The following DOCK1 variants were observed in gnomAD, a reference collection of about 807,000 sequenced individuals.
DOCK1 encodes the protein dedicator of cytokinesis protein 1.
DOCK1 carries 138 observed loss-of-function variants against 262.7 expected under a neutral mutation model. The observed-to-expected ratio is 0.53, with a 90% CI of 0.46 to 0.61. The LOEUF (loss-of-function observed/expected upper bound fraction) is 0.61. Among genes scored for constraint, DOCK1 ranks in the 20% least tolerant of loss-of-function variants. The pLI, the probability that DOCK1 is intolerant of heterozygous loss-of-function variation, is 0.00. For synonymous variants in DOCK1, 866 were observed against 867.4 expected, an observed-to-expected ratio of 1.00 and a Z score of 0.03; for missense variants, 1,908 against 2,370.7, an observed-to-expected ratio of 0.80 and a Z score of 4.05.
intron 29 of DOCK1, among the ~76,000 whole-genome samples, chr10:127,336,892 T>G (rs1480415356): frequency 6.6e-6 from 1 of 152,210 alleles, no homozygotes; most frequent in Non-Finnish European, 1.5e-5. Flanking sequence ...TAGCTGCAGT[T>G]GTCCCAGAGC....
In DOCK1 at chr10:127,426,004, G is replaced by C; in HGVS notation, c.4907G>C (p.Arg1636Pro). The stretch of plus-strand genomic sequence containing the variant: ...AAGGTGGAGAAAGAGTACGGCGTCC[G>C]AATCATGGTAAGAGGGTAGTATGCG... ...KEKVEKEYGV[R>P]IMPSSLDDRR... Residue 1636 changes from arginine (R) to proline (P), a missense_variant, in exon 47 of 52, where the codon CGA becomes CCA. Arg to Pro is a moderately radical substitution (Grantham distance 103). This residue lies in a region of DOCK1 where 383 missense variants were observed against 420.1 expected (regional missense o/e 0.91). Coordinates refer to ENST00000623213, the MANE Select transcript of DOCK1 (RefSeq NM_001290223.2). The C allele has an allele frequency of 1.2e-6, 2 of 1,613,870 alleles. No individual in the cohort carries two copies. Among genetic ancestry groups the C allele is most frequent in the East Asian group, 4.5e-5 (2 of 44,860 alleles).
rs1388597929 is a variant in DOCK1 at position 127,257,442 on chromosome 10, A to G, written c.3044+13A>G. The G allele has an allele frequency of 4.4e-6, 7 of 1,587,098 alleles. No homozygotes were observed. Among genetic ancestry groups the G allele is most frequent in the Middle Eastern group, 3.3e-4 (2 of 6,024 alleles). On this transcript the variant is annotated intron_variant, in intron 29 of 51. Transcript: ENST00000623213. ...TGGTGCAAAATAAGTAAGTGTGGGG[A>G]AAACGGCTCTCACCTTTTCTATGGC...
intron 29 of DOCK1, among the ~76,000 whole-genome samples, chr10:127,310,800 A>G (rs928369141): frequency 2.6e-5 from 4 of 152,198 alleles, no homozygotes; most frequent in African/African-American, 9.7e-5. Context: ...ACACATTACT[A>G]CAATCTCTTA....
chr10:127,179,355 A>G (rs1208364442), intron 27 of DOCK1, among the ~76,000 whole-genome samples: 1 of 152,232 alleles, frequency 6.6e-6, no homozygotes, highest in African/African-American at 2.4e-5. Flanking sequence ...GTACATAAAA[A>G]TCATTTCGTT....
chr10:127,015,290 C>G (rs983107872), intron 12 of DOCK1: 1 of 152,476 alleles, frequency 6.6e-6, no homozygotes, highest in African/African-American at 2.4e-5. Flanking sequence ...CTCTGGTCTT[C>G]GTCTCCCATT....
intron 27 of DOCK1, among the ~76,000 whole-genome samples, chr10:127,145,739 C>T (rs1057097907): frequency 8.5e-5 from 13 of 152,170 alleles, no homozygotes; most frequent in Non-Finnish European, 1.6e-4. Context: ...GCCACCAGCC[C>T]GGAACCCTGG....
chr10:127,356,459 AG>A (rs1338772308), intron 32 of DOCK1, among the ~76,000 whole-genome samples: 5 of 152,214 alleles, frequency 3.3e-5, no homozygotes, highest in African/African-American at 1.2e-4. Flanking sequence ...TAAGGCTTTT[AG>A]AACAGGGAGG....
chr10:127,037,904 G>A (rs1369023117), intron 19 of DOCK1, 88 bp downstream of exon 19: 2 of 1,072,214 alleles, frequency 1.9e-6, no homozygotes, highest in Admixed American at 2.9e-5. Flanking sequence ...GACTTCAAAG[G>A]TAGTATAGGA....
rs1032829168 is a variant in DOCK1, at chr10:127,162,549, T to C, written c.2847+34785T>C. ...TTCTCTTTACCTTACTTTTTTTCCA[T>C]GGTAGGGCAAAGTTCTCAGAATCAC... On this transcript the variant is annotated intron_variant, in intron 27 of 51. Coordinates refer to ENST00000623213, the MANE Select transcript of DOCK1 (RefSeq NM_001290223.2). Among the ~76,000 whole-genome samples, 13 of 152,304 alleles carry C rather than the reference T, an allele frequency of 8.5e-5. No homozygotes were observed. The East Asian group carries it at 1.4e-3, about 16-fold the overall frequency.
chr10:127,420,549 G>A (rs1443670691), intron 46 of DOCK1, among the ~76,000 whole-genome samples: 3 of 152,130 alleles, frequency 2.0e-5, no homozygotes, highest in Non-Finnish European at 4.4e-5. Context: ...GAGGGAGGTG[G>A]GGGCAAAGGC....
In DOCK1 at chr10:127,075,169, C is replaced by CAAAAAAAAAAA. The variant is rs71032536; in HGVS notation, c.2445+13413_2445+13423dup. Reference sequence around the variant, plus strand: ...GGGCAACAAGAGCGAAACTCTGTCTCAAAAAAAAAAAAAAAAAAAAAAAAA... The same window carrying CAAAAAAAAAAA: ...GGGCAACAAGAGCGAAACTCTGTCTCAAAAAAAAAAAAAAAAAAAAAAAAAAAAAAAAAAAA... On this transcript the variant is annotated intron_variant, in intron 23 of 51. Coordinates refer to ENST00000623213, the MANE Select transcript of DOCK1 (RefSeq NM_001290223.2). Among the ~76,000 whole-genome samples, 7 of 64,322 alleles carry CAAAAAAAAAAA rather than the reference C, an allele frequency of 1.1e-4. 1 individual carries two copies. The highest frequency in any genetic ancestry group is 4.9e-4 in the African/African-American group (7 of 14,218). 42.2% of individuals were successfully genotyped at this position (64,322 alleles called of 152,430 possible). A position where few individuals can be genotyped will look rare whatever the true frequency, so the allele number is the denominator to read the frequency against.
intron 38 of DOCK1, among the ~76,000 whole-genome samples, chr10:127,395,850 C>A (rs964114972): frequency 6.6e-6 from 1 of 152,206 alleles, no homozygotes; most frequent in Non-Finnish European, 1.5e-5. Context: ...GTGGCTGGGG[C>A]ACCCACTGGC....
chr10:126,993,215 G>T (rs182370812), intron 6 of DOCK1, among the ~76,000 whole-genome samples: 1 of 152,254 alleles, frequency 6.6e-6, no homozygotes, highest in Admixed American at 6.5e-5. Flanking sequence ...CCGTCCTCTC[G>T]TGTGTTCCCT....
chr10:127,060,360 C>T (rs759949397), intron 22 of DOCK1, among the ~76,000 whole-genome samples: 3 of 152,040 alleles, frequency 2.0e-5, no homozygotes, highest in Non-Finnish European at 2.9e-5. Context: ...TAAGCAAACC[C>T]CATTTGAAAA....
Position 127,381,958 on chromosome 10 carries a change from T to TATGGATGG in DOCK1, c.3807+624_3807+631dup, listed in dbSNP as rs10541699. ...TTGACTTTCTTTGTTTACAGTGACG[T>TATGGATGG]ATGGATGGATGGATGGATGGATGGA... On this transcript the variant is annotated intron_variant, in intron 37 of 51. Coordinates refer to ENST00000623213, the MANE Select transcript of DOCK1 (RefSeq NM_001290223.2). Among the ~76,000 whole-genome samples, 631 of 150,024 alleles carry TATGGATGG rather than the reference T, an allele frequency of 4.2e-3. 8 individuals are homozygous for TATGGATGG. The highest frequency in any genetic ancestry group is 0.014 in the African/African-American group (588 of 40,764).
chr10:127,369,258 T>C (rs1026296419), intron 33 of DOCK1, among the ~76,000 whole-genome samples: 1 of 152,228 alleles, frequency 6.6e-6, no homozygotes, highest in African/African-American at 2.4e-5. Context: ...ATCTTGTGTA[T>C]TCTTTAATTC....
chr10:127,223,020 TGC>T lies in DOCK1; in HGVS notation c.2848-24987_2848-24986del, dbSNP rs2058500489. On this transcript the variant is annotated intron_variant, in intron 27 of 51. Transcript: ENST00000623213. ...AAAGATTGACTTTATAGTTTGGATC[TGC>T]AAATAAGTTTTAAAAAATTGTAGAA... Among the ~76,000 whole-genome samples, 17 of 152,320 alleles carry T rather than the reference TGC, an allele frequency of 1.1e-4. 2 individuals are homozygous for T. The highest frequency in any genetic ancestry group is 1.1e-3 in the Admixed American group (17 of 15,302).
chr10:127,023,657 C>T (rs1235242974), intron 14 of DOCK1, among the ~76,000 whole-genome samples: 3 of 148,254 alleles, frequency 2.0e-5, no homozygotes, highest in Admixed American at 6.9e-5. Context: ...GATGGGGTTT[C>T]ACCATGTTGA....
Position 127,199,783 on chromosome 10 carries a change from A to G in DOCK1, c.2848-48225A>G, listed in dbSNP as rs370708520. ...CAGTTTTCCACCTATATAGAAATTC[A>G]TGGAGATGCTTCCTGTCTCAGTGTG... On this transcript the variant is annotated intron_variant, in intron 27 of 51. Coordinates refer to ENST00000623213, the MANE Select transcript of DOCK1 (RefSeq NM_001290223.2). 8.5e-5 allele frequency among the ~76,000 whole-genome samples: 13 copies of G among 152,202 alleles called. No homozygotes were observed. The East Asian group carries it at 2.3e-3, about 27-fold the overall frequency.
Sources: allele counts gnomAD v4.1 joint callset (sites outside exome capture counted in the v4.1 genomes callset), GRCh38; gene constraint gnomAD v4.1.1; regional missense constraint gnomAD v4.1.1; transcripts MANE v1.5; gene names NCBI Gene and HGNC (gene_info 2026-07-23, HGNC 2026-07-21).